TFDP2: variants seen among roughly 807,000 people sequenced by gnomAD.
The protein encoded by TFDP2 is transcription factor Dp-2.
In TFDP2, 17 loss-of-function variants were observed where a neutral mutation model predicts 59.3. The observed-to-expected ratio is 0.29, with a 90% CI of 0.20 to 0.43. TFDP2 has a LOEUF of 0.43. Among genes scored for constraint, TFDP2 ranks in the 20% least tolerant of loss-of-function variants. The pLI, the probability that TFDP2 is intolerant of heterozygous loss-of-function variation, is 1.00. For missense variants in TFDP2, 391 were observed against 528.8 expected, an observed-to-expected ratio of 0.74 and a Z score of 2.56; for synonymous variants, 180 against 194.7, an observed-to-expected ratio of 0.92 and a Z score of 0.63.
chr3:142,149,428 G>C lies in TFDP2; in HGVS notation c.-338C>G, dbSNP rs993591922. 2.6e-6 allele frequency: 1 copy of C among 382,606 alleles called. No individual in the cohort carries two copies. The highest frequency in any genetic ancestry group is 2.1e-5 in the African/African-American group (1 of 47,902). The allele number at this position is 382,606 out of a possible 1,614,324, so 23.7% of individuals were successfully genotyped here. ...AGGGTCAGGGCGCGCCCCGCGGGCC[G>C]GGCAGCTGCGGCAGCGCCGCAGCCG... On this transcript the variant is annotated 5_prime_UTR_variant, in exon 1 of 13. Coordinates refer to ENST00000489671, the MANE Select transcript of TFDP2 (RefSeq NM_001178139.2).
At chr3:142,141,755 G>A (rs752266725) in intron 1 of TFDP2, among the ~76,000 whole-genome samples, 3 of 151,882 alleles carry the variant, frequency 2.0e-5, no homozygotes, top group African/African-American at 2.4e-5. Context: ...CCCGGGAGTC[G>A]GAGGTTGCAG....
At position 141,974,057 on chromosome 3, in the gene TFDP2, C is replaced by T. The variant is rs764902177; in HGVS notation, c.654G>A (p.Gln218=). Residue 218 remains glutamine (Q), a synonymous_variant, in exon 8 of 13, where the codon CAG becomes CAA. Transcript: ENST00000489671. Reference sequence around the variant, plus strand: ...AGATTTTCTCACTTACCTCCAGATTCTGACATTCCTGAGCAGAATTGGTAG... The same window carrying T: ...AGATTTTCTCACTTACCTCCAGATTTTGACATTCCTGAGCAGAATTGGTAG... ...GLPTNSAQEC[Q]NLEIEKQRRI... The T allele has an allele frequency of 6.2e-7, 1 of 1,609,680 alleles. No individual in the cohort carries two copies.
At chr3:141,954,468 C>G (rs1576440362) in intron 11 of TFDP2, among the ~76,000 whole-genome samples, 1 of 151,852 alleles carries the variant, frequency 6.6e-6, no homozygotes, top group East Asian at 1.9e-4. Context: ...AAAGCCCCAT[C>G]TCTATTAAAA....
chr3:141,967,867 G>T (rs1576488795), intron 9 of TFDP2, among the ~76,000 whole-genome samples: 1 of 152,168 alleles, frequency 6.6e-6, no homozygotes, highest in South Asian at 2.1e-4. Flanking sequence ...AGACAGGAAA[G>T]TCCTACACAC....
At chr3:142,051,131 T>G (rs1284109652) in intron 3 of TFDP2, among the ~76,000 whole-genome samples, 1 of 152,236 alleles carries the variant, frequency 6.6e-6, no homozygotes, top group African/African-American at 2.4e-5. Flanking sequence ...TTGGACCAGC[T>G]AATTTTTTGT....
rs549207453 is a variant in TFDP2 at position 142,012,227 on chromosome 3, C to T, written c.83-6683G>A. Among the ~76,000 whole-genome samples, 9 of 152,144 alleles carry T rather than the reference C, an allele frequency of 5.9e-5. No individual in the cohort carries two copies. The East Asian group carries it at 1.3e-3, about 23-fold the overall frequency. ...CGGGGTTTCACTGTGTTAGCCAGGACGGTCTCGATCTCCTGACTTCATGAC... is the reference window on the plus strand; with the variant it reads ...CGGGGTTTCACTGTGTTAGCCAGGATGGTCTCGATCTCCTGACTTCATGAC... On this transcript the variant is annotated intron_variant, in intron 3 of 12. Coordinates refer to ENST00000489671, the MANE Select transcript of TFDP2 (RefSeq NM_001178139.2).
chr3:141,968,330 TATATATAATATATAA>T (rs1938512844), intron 9 of TFDP2, among the ~76,000 whole-genome samples: 1 of 107,344 alleles, frequency 9.3e-6, no homozygotes, highest in Admixed American at 9.8e-5. Context: ...TAACATATAA[TATATATAATATATAA>T]CTATATATAA....
At chr3:142,026,049 C>T (rs1476606395) in intron 3 of TFDP2, among the ~76,000 whole-genome samples, 2 of 152,222 alleles carry the variant, frequency 1.3e-5, no homozygotes, top group African/African-American at 4.8e-5. Context: ...CAGTGGCTCA[C>T]GCCCATAATC....
At chr3:142,037,616 A>G (rs1310507473) in intron 3 of TFDP2, among the ~76,000 whole-genome samples, 1 of 152,226 alleles carries the variant, frequency 6.6e-6, no homozygotes, top group East Asian at 1.9e-4. Context: ...ACAAATACAC[A>G]TAAGGAAATG....
chr3:142,069,262 A>G (rs1005418553), intron 3 of TFDP2, among the ~76,000 whole-genome samples: 8 of 152,166 alleles, frequency 5.3e-5, no homozygotes, highest in Non-Finnish European at 1.2e-4. Context: ...ATTTGTACAT[A>G]GCCTTTCTCA....
At chr3:141,992,309 TAGAAAG>T (rs1942864384) in intron 6 of TFDP2, among the ~76,000 whole-genome samples, 1 of 151,964 alleles carries the variant, frequency 6.6e-6, no homozygotes, top group South Asian at 2.1e-4. Context: ...GAACCAAATG[TAGAAAG>T]AGAAAGTTGA....
chr3:142,085,756 T>TA (rs2060794085), intron 3 of TFDP2, among the ~76,000 whole-genome samples: 1 of 152,192 alleles, frequency 6.6e-6, no homozygotes, highest in African/African-American at 2.4e-5. Context: ...GTATTGCTAA[T>TA]AACCTCAGGA....
chr3:142,035,332 A>G (rs1194910144), intron 3 of TFDP2, among the ~76,000 whole-genome samples: 3 of 152,178 alleles, frequency 2.0e-5, no homozygotes, highest in Non-Finnish European at 2.9e-5. Context: ...AACTAATTGC[A>G]TTTATGGATT....
At chr3:142,030,963 C>T (rs1176043319) in intron 3 of TFDP2, among the ~76,000 whole-genome samples, 1 of 151,552 alleles carries the variant, frequency 6.6e-6, no homozygotes, top group East Asian at 1.9e-4. Flanking sequence ...GGGATGGTCT[C>T]GATCTCCTGA....
At chr3:142,068,475 C>T (rs905599798) in intron 3 of TFDP2, among the ~76,000 whole-genome samples, 1 of 152,064 alleles carries the variant, frequency 6.6e-6, no homozygotes, top group African/African-American at 2.4e-5. Context: ...ACTGTTTTTC[C>T]ACTACCAGAT....
At chr3:142,119,618 T>C (rs1389595059) in intron 1 of TFDP2, among the ~76,000 whole-genome samples, 1 of 152,224 alleles carries the variant, frequency 6.6e-6, no homozygotes, top group Non-Finnish European at 1.5e-5. Flanking sequence ...GGCACACACC[T>C]GTAGTCCCAG....
chr3:141,948,340 GACA>G lies in TFDP2; in HGVS notation c.*4170_*4172del, dbSNP rs1559892934. The G allele has an allele frequency of 5.3e-5, 8 of 152,040 alleles. No individual in the cohort carries two copies. The highest frequency in any genetic ancestry group is 5.2e-4 in the Admixed American group (8 of 15,268). The allele number at this position is 152,040 out of a possible 1,614,324, so 9.4% of individuals were successfully genotyped here. ...GCAGATCACCTGAGGTCAGGAGTTCGACACCAGCCTGGGCAACACGGTGAAACC... is the reference window on the plus strand; with the variant it reads ...GCAGATCACCTGAGGTCAGGAGTTCGCCAGCCTGGGCAACACGGTGAAACC... On this transcript the variant is annotated 3_prime_UTR_variant, in exon 13 of 13. Transcript: ENST00000489671.
chr3:142,058,372 C>T (rs1354622517), intron 3 of TFDP2, among the ~76,000 whole-genome samples: 1 of 150,834 alleles, frequency 6.6e-6, no homozygotes, highest in Non-Finnish European at 1.5e-5. Context: ...TCTTCAGACA[C>T]CAATTAGGTG....
intron 1 of TFDP2, among the ~76,000 whole-genome samples, chr3:142,103,264 T>A (rs573942213): frequency 6.0e-4 from 91 of 151,010 alleles, no homozygotes; most frequent in African/African-American, 2.2e-3. Context: ...ATAAAAAATT[T>A]AAAAAAAGAC....
Sources: gnomAD v4.1 joint callset for allele counts (sites outside exome capture counted in the v4.1 genomes callset) on GRCh38, gnomAD v4.1.1 for gene constraint, MANE v1.5 for transcripts, NCBI Gene and HGNC (gene_info 2026-07-23, HGNC 2026-07-21) for gene names.